Variants in SMCHD1 observed in about 807,000 individuals in gnomAD.
The protein encoded by SMCHD1 is structural maintenance of chromosomes flexible hinge domain-containing protein 1.
SMCHD1 carries 78 observed loss-of-function variants against 254.7 expected under a neutral mutation model. The ratio of observed to expected loss-of-function variants is 0.31; its 90% CI spans 0.26 to 0.37. The LOEUF (loss-of-function observed/expected upper bound fraction) is 0.37, where lower values mean the gene tolerates loss of function less well. Ranked by LOEUF, SMCHD1 falls within the 10% of genes least tolerant of loss-of-function variation. The pLI is 1.00. For missense variants in SMCHD1, 1,840 were observed against 2,408.1 expected (o/e 0.76, Z 4.94); for synonymous variants, 766 against 794.9 (o/e 0.96, Z 0.61).
chr18:2,708,606 T>C lies in SMCHD1; in HGVS notation c.2260+686T>C, dbSNP rs536267570. 1.2e-4 allele frequency among the ~76,000 whole-genome samples: 9 copies of C among 74,512 alleles called. No individual in the cohort carries two copies. The South Asian group carries it at 5.2e-3, about 43-fold the overall frequency. The allele number at this position is 74,512 out of a possible 152,430, so 48.9% of individuals were successfully genotyped here. On this transcript the variant is annotated intron_variant, in intron 17 of 47. Coordinates refer to ENST00000320876, the MANE Select transcript of SMCHD1 (RefSeq NM_015295.3). ...AAAGCCAGCAGTGCAGCACCTTTCA[T>C]GACCTTCCTGCTTTTTTTTTTTTTG...
At chr18:2,685,151 C>T (rs928858789) in intron 5 of SMCHD1, among the ~76,000 whole-genome samples, 18 of 138,218 alleles carry the variant, frequency 1.3e-4, no homozygotes, top group Non-Finnish European at 2.1e-4. Flanking sequence ...CCAGGCCGGA[C>T]TGCAGTGGTG....
At chr18:2,744,641 A>T in intron 29 of SMCHD1, among the ~76,000 whole-genome samples, 1 of 152,212 alleles carries the variant, frequency 6.6e-6, no homozygotes, top group East Asian at 1.9e-4. Flanking sequence ...CGGAAAGGAC[A>T]TGCAATAGAT....
intron 15 of SMCHD1, 91 bp from the exon 16 acceptor site, chr18:2,707,472 A>G (rs1418800687): frequency 2.8e-6 from 2 of 722,726 alleles, no homozygotes; most frequent in Non-Finnish European, 4.4e-6. Flanking sequence ...TATCAGCAAT[A>G]AATATTTAAG....
rs188948752 is a variant in SMCHD1, at chr18:2,673,527, A to G, written c.507+164A>G. 1.3e-3 allele frequency among the ~76,000 whole-genome samples: 201 copies of G among 152,276 alleles called. No individual in the cohort carries two copies. Among genetic ancestry groups the G allele is most frequent in the Admixed American group, 2.0e-3 (30 of 15,288 alleles). Reference sequence around the variant, plus strand: ...TTTTTCACGTTTTTTTCCTATGCATATATGTATACATGTATATGTACCTTT... The same window carrying G: ...TTTTTCACGTTTTTTTCCTATGCATGTATGTATACATGTATATGTACCTTT... On this transcript the variant is annotated intron_variant, in intron 4 of 47. Coordinates refer to ENST00000320876, the MANE Select transcript of SMCHD1 (RefSeq NM_015295.3).
intron 13 of SMCHD1, among the ~76,000 whole-genome samples, chr18:2,704,492 T>C (rs2074471362): frequency 6.6e-6 from 1 of 152,044 alleles, no homozygotes; most frequent in African/African-American, 2.4e-5. Context: ...TGATATTATA[T>C]CCTAGCAATG....
At chr18:2,677,019 C>G (rs554640029) in intron 5 of SMCHD1, among the ~76,000 whole-genome samples, 1 of 152,046 alleles carries the variant, frequency 6.6e-6, no homozygotes, top group Admixed American at 6.6e-5. Flanking sequence ...GTTTCCCTAG[C>G]TTTTGTGTTT....
chr18:2,801,920 GT>G (rs1407856057), intron 47 of SMCHD1, among the ~76,000 whole-genome samples: 1 of 151,988 alleles, frequency 6.6e-6, no homozygotes, highest in Non-Finnish European at 1.5e-5. Flanking sequence ...AGATTCCATT[GT>G]TTTCTTGAAT....
At chr18:2,706,235 A>C in intron 14 of SMCHD1, 129 bp from the exon 15 acceptor site, 1 of 576,832 alleles carries the variant, frequency 1.7e-6, no homozygotes, top group Non-Finnish European at 3.0e-6. Context: ...ACGTAAGAAT[A>C]GCTACTGTTA....
At chr18:2,789,344 A>G (rs538814439) in intron 45 of SMCHD1, among the ~76,000 whole-genome samples, 70 of 152,254 alleles carry the variant, frequency 4.6e-4, no homozygotes, top group African/African-American at 1.6e-3. Context: ...GCCTGGCTAC[A>G]GCCTTGTTTT....
At chr18:2,787,716 T>C (rs529161009) in intron 45 of SMCHD1, among the ~76,000 whole-genome samples, 2 of 152,310 alleles carry the variant, frequency 1.3e-5, no homozygotes, top group South Asian at 2.1e-4. Context: ...TTGACAAATA[T>C]ATTCAAAGAT....
chr18:2,774,379 T>G (rs2076032524), intron 41 of SMCHD1, among the ~76,000 whole-genome samples: 1 of 152,116 alleles, frequency 6.6e-6, no homozygotes, highest in Non-Finnish European at 1.5e-5. Flanking sequence ...TTCTAGAGAA[T>G]TAGAATATAA....
intron 24 of SMCHD1, 132 bp from the exon 25 acceptor site, chr18:2,732,133 C>T: frequency 1.6e-6 from 1 of 627,028 alleles, no homozygotes; most frequent in Middle Eastern, 4.4e-4. Flanking sequence ...AGTATAATGC[C>T]ATCTTAATGA....
rs536500745 is a variant in SMCHD1 at position 2,768,402 on chromosome 18, C to T, written c.4720-1292C>T. Among the ~76,000 whole-genome samples, 4 of 152,064 alleles carry T rather than the reference C, an allele frequency of 2.6e-5. No individual in the cohort carries two copies. In the East Asian group the frequency reaches 7.7e-4, roughly 29 times the overall value. On this transcript the variant is annotated intron_variant, in intron 37 of 47. Transcript: ENST00000320876. ...GGGAATTGGGCACTCCCATATACTGCTGGTGAGAGGATAAATTGATACAGC... is the reference window on the plus strand; with the variant it reads ...GGGAATTGGGCACTCCCATATACTGTTGGTGAGAGGATAAATTGATACAGC...
At chr18:2,665,784 A>G (rs1000202757) in intron 1 of SMCHD1, among the ~76,000 whole-genome samples, 6 of 152,140 alleles carry the variant, frequency 3.9e-5, no homozygotes, top group Admixed American at 3.3e-4. Flanking sequence ...CTATATGAAC[A>G]TGAGTTATGT....
chr18:2,670,900 T>TAAA (rs372225530), intron 3 of SMCHD1, among the ~76,000 whole-genome samples: 26 of 116,606 alleles, frequency 2.2e-4, no homozygotes, highest in African/African-American at 8.7e-4. Context: ...AGACTGCATC[T>TAAA]AAAAAAAAAA....
intron 2 of SMCHD1, 143 bp downstream of exon 2, chr18:2,666,375 A>C (rs1051824973): frequency 1.8e-6 from 1 of 542,430 alleles, no homozygotes; most frequent in Non-Finnish European, 3.3e-6. Flanking sequence ...AACTGGCTGC[A>C]TGTGCATAGT....
At chr18:2,671,188 G>A (rs1180254205) in intron 3 of SMCHD1, among the ~76,000 whole-genome samples, 4 of 151,640 alleles carry the variant, frequency 2.6e-5, no homozygotes, top group Admixed American at 1.3e-4. Flanking sequence ...TGCCCGTCTC[G>A]ACCTCCCAAA....
At chr18:2,694,482 T>A in intron 7 of SMCHD1, 45 bp from the exon 8 acceptor site, 4 of 1,391,946 alleles carry the variant, frequency 2.9e-6, no homozygotes, top group Non-Finnish European at 3.9e-6. Flanking sequence ...TGTATAATTA[T>A]AATTTAGATG....
At chr18:2,697,722 A>G (rs2074314158) in intron 9 of SMCHD1, 109 bp from the exon 10 acceptor site, 1 of 712,084 alleles carries the variant, frequency 1.4e-6, no homozygotes, top group East Asian at 2.7e-5. Flanking sequence ...CCAGATTGTT[A>G]CTTGTACAAA....
Sources: gnomAD v4.1 joint callset for allele counts (sites outside exome capture counted in the v4.1 genomes callset) on GRCh38, gnomAD v4.1.1 for gene constraint, MANE v1.5 for transcripts, NCBI Gene and HGNC (gene_info 2026-07-23, HGNC 2026-07-21) for gene names.